POLK: variants seen among roughly 807,000 people sequenced by gnomAD.
POLK encodes the protein polymerase (DNA directed) kappa.
POLK carries 76 observed loss-of-function variants against 94.0 expected under a neutral mutation model. The observed-to-expected ratio is 0.81, with a 90% CI of 0.67 to 0.98. The LOEUF (loss-of-function observed/expected upper bound fraction) is 0.98. Ranked by LOEUF, POLK falls within the 50% of genes least tolerant of loss-of-function variation. POLK has a pLI of 0.00. For synonymous variants in POLK, 349 were observed against 325.4 expected (o/e 1.07, Z -0.78); for missense variants, 954 against 1,010.1 (o/e 0.94, Z 0.75).
rs767626155 is a variant in POLK, at chr5:75,584,927, G to C, written c.1226+1G>C. ...GTCTAGGTTCAACACACCTGACGAGGTATCTATATGTATTGTCATTCTGCT... is the reference window on the plus strand; with the variant it reads ...GTCTAGGTTCAACACACCTGACGAGCTATCTATATGTATTGTCATTCTGCT... On this transcript the variant is annotated splice_donor_variant, in intron 9 of 14. Coordinates refer to ENST00000241436, the Ensembl canonical transcript of POLK. LOFTEE classifies it high-confidence loss of function. 18 of 1,557,396 alleles carry C rather than the reference G, an allele frequency of 1.2e-5. No individual in the cohort carries two copies. The highest frequency in any genetic ancestry group is 1.4e-5 in the Non-Finnish European group (16 of 1,142,124).
At chr5:75,579,706 A>C (rs1463857583) in intron 6 of POLK, among the ~76,000 whole-genome samples, 1 of 152,092 alleles carries the variant, frequency 6.6e-6, no homozygotes, top group African/African-American at 2.4e-5. Flanking sequence ...ATATTAAAAA[A>C]TGACAGGAAC....
chr5:75,570,654 T>A (rs1771541756), intron 4 of POLK, among the ~76,000 whole-genome samples: 1 of 152,212 alleles, frequency 6.6e-6, no homozygotes, highest in South Asian at 2.1e-4. Flanking sequence ...TTTACCACTC[T>A]AACCTTAGAA....
intron 4 of POLK, among the ~76,000 whole-genome samples, chr5:75,570,103 AC>A (rs1302744374): frequency 6.6e-6 from 1 of 151,984 alleles, no homozygotes; most frequent in Non-Finnish European, 1.5e-5. Context: ...CAAAACTATC[AC>A]CCCACCAGTC....
chr5:75,534,694 T>C lies in POLK; in HGVS notation c.-13-12316T>C, dbSNP rs143208456. On this transcript the variant is annotated intron_variant, in intron 1 of 14. Transcript: ENST00000241436. ...TATATATTTAGAAAAGTTAGGTCCT[T>C]TTGTTGAATTGAGCCCTTAACCATT... 203 of 152,306 alleles carry C rather than the reference T, an allele frequency of 1.3e-3. 2 individuals carry two copies. The highest frequency in any genetic ancestry group is 4.7e-3 in the African/African-American group (194 of 41,572). 9.4% of individuals were successfully genotyped at this position (152,306 alleles called of 1,614,324 possible).
At chr5:75,527,541 A>AC (rs1561336057) in intron 1 of POLK, among the ~76,000 whole-genome samples, 21 of 147,406 alleles carry the variant, frequency 1.4e-4, no homozygotes, top group African/African-American at 5.0e-4. Flanking sequence ...ACACACACAC[A>AC]AGTACGTGTG....
intron 1 of POLK, among the ~76,000 whole-genome samples, chr5:75,525,978 T>C (rs545041547): frequency 6.6e-6 from 1 of 152,312 alleles, no homozygotes; most frequent in East Asian, 1.9e-4. Context: ...TTAAAGACAC[T>C]TAAATGAAAT....
Position 75,593,994 on chromosome 5 carries a change from G to A in POLK, c.1473G>A (p.Leu491=), listed in dbSNP as rs757630940. 2.5e-6 allele frequency: 4 copies of A among 1,612,060 alleles called. No homozygotes were observed. The Admixed American group carries it at 6.7e-5, about 27-fold the overall frequency. ...AAATATTTGCCATTGCTAAGGAATT[G>A]CTAAAAACAGAAATTGATGCTGATT... The change falls in exon 12 of 15, where the codon TTG becomes TTA. Residue 491 remains leucine, a synonymous_variant. Transcript: ENST00000241436.
At chr5:75,537,988 C>T (rs1346559604) in intron 1 of POLK, among the ~76,000 whole-genome samples, 1 of 152,038 alleles carries the variant, frequency 6.6e-6, no homozygotes, top group Non-Finnish European at 1.5e-5. Flanking sequence ...GCCCGAGTAG[C>T]TGGGACTACA....
exon 15 of POLK, chr5:75,599,622 A>G (rs1317895299): frequency 6.6e-6 from 1 of 152,194 alleles, no homozygotes; most frequent in Non-Finnish European, 1.5e-5. Flanking sequence ...TTTAAGTTCA[A>G]TGAAACACTG....
exon 13 of POLK, chr5:75,596,464 C>G: frequency 6.2e-7 from 1 of 1,613,768 alleles, no homozygotes; most frequent in Non-Finnish European, 8.5e-7. Context: ...CGTGAATAAA[C>G]AAAGTTTCCA....
intron 8 of POLK, among the ~76,000 whole-genome samples, 177 bp downstream of exon 8, chr5:75,583,594 T>C (rs553799509): frequency 1.3e-5 from 2 of 152,154 alleles, no homozygotes; most frequent in African/African-American, 2.4e-5. Context: ...ACCATAAAAG[T>C]GAGATTTAGC....
chr5:75,551,080 G>A (rs1189418650), intron 2 of POLK, among the ~76,000 whole-genome samples: 4 of 150,564 alleles, frequency 2.7e-5, no homozygotes, highest in South Asian at 4.2e-4. Flanking sequence ...AAACCCTTAC[G>A]CCGTACACAA....
At chr5:75,571,125 C>A (rs182197432) in intron 4 of POLK, among the ~76,000 whole-genome samples, 74 of 152,190 alleles carry the variant, frequency 4.9e-4, no homozygotes, top group African/African-American at 1.6e-3. Flanking sequence ...TTCTGTCCTC[C>A]TAAAAATCAG....
In POLK at chr5:75,574,193, C is replaced by G. The variant is rs1028000292; in HGVS notation, c.540+324C>G. Among the ~76,000 whole-genome samples, 3 of 151,968 alleles carry G rather than the reference C, an allele frequency of 2.0e-5. No individual in the cohort carries two copies. The East Asian group carries it at 5.8e-4, about 29-fold the overall frequency. On this transcript the variant is annotated intron_variant, in intron 5 of 14. Transcript: ENST00000241436. ...TCTTAATGTACAATATACATTTTTT[C>G]TAGAACCACATTTTATTTATAACTT...
the POLK span, among the ~76,000 whole-genome samples, chr5:75,607,878 T>C: frequency 6.6e-6 from 1 of 152,160 alleles, no homozygotes; most frequent in East Asian, 1.9e-4. Context: ...TTCTATTCAA[T>C]GTAGGGAGGG....
intron 1 of POLK, among the ~76,000 whole-genome samples, chr5:75,516,036 G>C (rs373709776): frequency 6.6e-6 from 1 of 152,072 alleles, no homozygotes; most frequent in Admixed American, 6.5e-5. Flanking sequence ...GCCTTATTTT[G>C]AGAAATGTCT....
At chr5:75,582,255 C>T (rs1382452521) in intron 7 of POLK, 1 of 342,356 alleles carries the variant, frequency 2.9e-6, no homozygotes, top group Non-Finnish European at 4.2e-6. Flanking sequence ...TGTTATTCAT[C>T]ATGAGGACCC....
rs566380410 is a variant in POLK at position 75,541,307 on chromosome 5, A to C, written c.-13-5703A>C. 9.9e-5 allele frequency among the ~76,000 whole-genome samples: 15 copies of C among 152,208 alleles called. No individual in the cohort carries two copies. The South Asian group carries it at 2.5e-3, about 25-fold the overall frequency. ...ACTCTGTCTTCTGTCTCAAAAAAAA[A>C]CCAAAAAACAAAAACAAAAACTTGG... On this transcript the variant is annotated intron_variant, in intron 1 of 14. Coordinates refer to ENST00000241436, the Ensembl canonical transcript of POLK.
chr5:75,546,175 A>G (rs913079960), intron 1 of POLK, among the ~76,000 whole-genome samples: 2 of 152,236 alleles, frequency 1.3e-5, no homozygotes, highest in African/African-American at 4.8e-5. Context: ...AATAAGGTAT[A>G]CAGTTGATTA....
Sources: allele counts gnomAD v4.1 joint callset (sites outside exome capture counted in the v4.1 genomes callset), GRCh38; gene constraint gnomAD v4.1.1; transcripts MANE v1.5; gene names NCBI Gene and HGNC (gene_info 2026-07-23, HGNC 2026-07-21).